Variants in PCDHGB4 observed in about 807,000 individuals in gnomAD.
PCDHGB4 encodes protocadherin gamma subfamily B, 4, also known as protocadherin gamma-B4.
PCDHGB4 carries 38 observed loss-of-function variants against 60.5 expected under a neutral mutation model. The observed-to-expected ratio is 0.63, with a 90% CI of 0.48 to 0.82. PCDHGB4 has a LOEUF of 0.82. Among genes scored for constraint, PCDHGB4 ranks in the 40% least tolerant of loss-of-function variants. The probability of loss-of-function intolerance (pLI) is 0.00; values close to 1 mark genes in which losing one functional copy is unlikely to be tolerated. For synonymous variants in PCDHGB4, 456 were observed against 509.7 expected, an observed-to-expected ratio of 0.89 and a Z score of 1.42; for missense variants, 1,109 against 1,209.6, an observed-to-expected ratio of 0.92 and a Z score of 1.23.
intron 1 of PCDHGB4, among the ~76,000 whole-genome samples, chr5:141,433,404 T>TATCTATCA (rs757435896): frequency 6.8e-6 from 1 of 146,200 alleles, no homozygotes; most frequent in Non-Finnish European, 1.5e-5. Flanking sequence ...TCTATCTATC[T>TATCTATCA]ATTACTTTCT....
In PCDHGB4 at chr5:141,423,270, T is replaced by G. The variant is rs1304998648; in HGVS notation, c.2397+32989T>G. 3 of 1,613,686 alleles carry G rather than the reference T, an allele frequency of 1.9e-6. No homozygotes were observed. The African/African-American group carries it at 4.0e-5, about 22-fold the overall frequency. ...TGGCGGACCTCGGCAGCCTCGAGTC[T>G]CTGGCTAACTCTGAAACCTCAGACC... is the stretch of plus-strand genomic sequence containing the variant. On this transcript the variant is annotated intron_variant, in intron 1 of 3. Transcript: ENST00000519479.
chr5:141,444,305 A>G (rs62379165), intron 1 of PCDHGB4, among the ~76,000 whole-genome samples: 13,327 of 151,310 alleles, frequency 0.088, 765 homozygotes, highest in African/African-American at 0.16. Context: ...CCTAGTAGCT[A>G]GGATTACAGG....
At chr5:141,439,898 C>A (rs1428014089) in intron 1 of PCDHGB4, 2 of 152,344 alleles carry the variant, frequency 1.3e-5, no homozygotes, top group African/African-American at 4.8e-5. Flanking sequence ...ACCAAGGCGA[C>A]TACTGCCTCC....
intron 1 of PCDHGB4, among the ~76,000 whole-genome samples, chr5:141,445,597 G>T (rs2098471988): frequency 6.6e-6 from 1 of 152,200 alleles, no homozygotes; most frequent in African/African-American, 2.4e-5. Context: ...TAATCTGAAG[G>T]TCAAGGAAGG....
intron 1 of PCDHGB4, chr5:141,404,057 T>C (rs558471539): frequency 1.2e-5 from 19 of 1,613,894 alleles, no homozygotes; most frequent in Non-Finnish European, 1.4e-5. Context: ...AATTCTTCTT[T>C]TCAATGCTCA....
Position 141,491,340 on chromosome 5 carries a change from C to T in PCDHGB4, c.2398-3467C>T, listed in dbSNP as rs772328241. The T allele has an allele frequency of 3.7e-6, 6 of 1,614,144 alleles. No individual in the cohort carries two copies. The Admixed American group carries it at 6.7e-5, about 18-fold the overall frequency. ...TTTACCTCATTGTGGCTCTAGCGAC[C>T]GTCAGTCTCTTATCCCTAGTCACCT... On this transcript the variant is annotated intron_variant, in intron 1 of 3. Transcript: ENST00000519479. This position sits in a 1 kb window ranked among gnomAD's most constrained non-coding sequence, Gnocchi z 6.9.
At chr5:141,394,101 C>A (rs753056702) in intron 1 of PCDHGB4, 7 of 1,613,944 alleles carry the variant, frequency 4.3e-6, no homozygotes, top group Middle Eastern at 1.6e-4. Flanking sequence ...TCTAGGAACA[C>A]CACCTCTGTC....
chr5:141,475,885 A>T, intron 1 of PCDHGB4: 1 of 556,524 alleles, frequency 1.8e-6, no homozygotes, highest in Non-Finnish European at 3.2e-6. Flanking sequence ...ATTGGCTGGG[A>T]CTCTGTGTGC....
At chr5:141,410,803 C>A in intron 1 of PCDHGB4, 11 of 409,880 alleles carry the variant, frequency 2.7e-5, no homozygotes, top group East Asian at 1.2e-4. Context: ...GTTGCTCTAT[C>A]TTTTTGTAAA....
At chr5:141,436,300 G>A (rs966232889) in intron 1 of PCDHGB4, among the ~76,000 whole-genome samples, 1 of 152,180 alleles carries the variant, frequency 6.6e-6, no homozygotes, top group African/African-American at 2.4e-5. Flanking sequence ...TTGAGAGTTA[G>A]AGCATGAATA....
At chr5:141,410,818 T>G in intron 1 of PCDHGB4, 2 of 556,016 alleles carry the variant, frequency 3.6e-6, no homozygotes, top group Non-Finnish European at 5.8e-6. Context: ...TGTAAAATAA[T>G]GTCACCAGAC....
At chr5:141,444,299 G>A (rs1017908182) in intron 1 of PCDHGB4, among the ~76,000 whole-genome samples, 20 of 150,672 alleles carry the variant, frequency 1.3e-4, no homozygotes, top group Non-Finnish European at 2.7e-4. Context: ...AGCCTCCCTA[G>A]TAGCTAGGAT....
At chr5:141,494,755 C>T (rs1246224213) in intron 1 of PCDHGB4, 52 bp from the exon 2 acceptor site, 18 of 1,613,724 alleles carry the variant, frequency 1.1e-5, no homozygotes, top group African/African-American at 1.3e-5. Context: ...GCTCGGGTGA[C>T]ATTCTAACTT....
At chr5:141,502,887 G>T (rs2099816882) in intron 2 of PCDHGB4, among the ~76,000 whole-genome samples, 1 of 40,910 alleles carries the variant, frequency 2.4e-5, no homozygotes, top group Non-Finnish European at 4.5e-5. Context: ...TTTTGACAGG[G>T]AGTCTAGCTC....
At chr5:141,426,775 A>G (rs2096959432) in intron 1 of PCDHGB4, 1 of 456,496 alleles carries the variant, frequency 2.2e-6, no homozygotes, top group South Asian at 1.5e-5. Context: ...GTAGGGCCTC[A>G]CTCTCTCCAG....
Position 141,399,184 on chromosome 5 carries a change from C to T in PCDHGB4, c.2397+8903C>T, listed in dbSNP as rs1398440525. The T allele has an allele frequency of 1.9e-6, 3 of 1,613,746 alleles. No individual in the cohort carries two copies. In the African/African-American group the frequency reaches 4.0e-5, roughly 22 times the overall value. On this transcript the variant is annotated intron_variant, in intron 1 of 3. Coordinates refer to ENST00000519479, the MANE Select transcript of PCDHGB4 (RefSeq NM_003736.4). The stretch of plus-strand genomic sequence containing the variant: ...ATTCCATTCTCTACTTGAAATGATT[C>T]TGGAAAACGCGGTGCCTGGAACACT...
intron 1 of PCDHGB4, among the ~76,000 whole-genome samples, chr5:141,433,399 CTA>C (rs1491097109): frequency 1.1e-4 from 17 of 150,894 alleles, no homozygotes; most frequent in African/African-American, 4.1e-4. Context: ...ATCTATCTAT[CTA>C]TCTATTACTT....
intron 1 of PCDHGB4, chr5:141,394,371 T>G: frequency 6.2e-7 from 1 of 1,614,174 alleles, no homozygotes; most frequent in Non-Finnish European, 8.5e-7. Context: ...GCTGCAATCT[T>G]TCGACTATGA....
chr5:141,415,579 A>G, intron 1 of PCDHGB4: 1 of 1,614,072 alleles, frequency 6.2e-7, no homozygotes, highest in East Asian at 2.2e-5. Flanking sequence ...AGATGATTCG[A>G]AGTTTCCTAT....
Sources: allele counts gnomAD v4.1 joint callset (sites outside exome capture counted in the v4.1 genomes callset), GRCh38; gene constraint gnomAD v4.1.1; non-coding constraint Gnocchi (gnomAD v3.1); transcripts MANE v1.5; gene names NCBI Gene and HGNC (gene_info 2026-07-23, HGNC 2026-07-21).